GRM7: variants seen among roughly 807,000 people sequenced by gnomAD.
The protein encoded by GRM7 is glutamate metabotropic receptor 7.
In GRM7, 35 loss-of-function variants were observed where a neutral mutation model predicts 84.5. That is an observed-to-expected ratio of 0.41 (90% CI 0.32 to 0.55). The LOEUF (loss-of-function observed/expected upper bound fraction) is 0.55. Among genes scored for constraint, GRM7 ranks in the 20% least tolerant of loss-of-function variants. The pLI is 0.19. For synonymous variants in GRM7, 487 were observed against 455.1 expected (o/e 1.07, Z -0.89); for missense variants, 1,003 against 1,194.6 (o/e 0.84, Z 2.36).
chr3:7,593,853 G>A (rs1695911603), intron 8 of GRM7, among the ~76,000 whole-genome samples: 1 of 152,060 alleles, frequency 6.6e-6, no homozygotes, highest in Admixed American at 6.6e-5. Context: ...AGAAGCAAGA[G>A]TAGGGTCAGG....
At chr3:7,026,431 A>C (rs574602972) in intron 1 of GRM7, among the ~76,000 whole-genome samples, 10 of 152,366 alleles carry the variant, frequency 6.6e-5, no homozygotes, top group Admixed American at 2.0e-4. Flanking sequence ...ACTCTTGATT[A>C]TAAATGCTGC....
chr3:7,340,636 A>G (rs1345910310), intron 4 of GRM7, among the ~76,000 whole-genome samples: 1 of 152,144 alleles, frequency 6.6e-6, no homozygotes. Context: ...CGTGATATCC[A>G]GTCTTCGTTA....
intron 7 of GRM7, among the ~76,000 whole-genome samples, chr3:7,480,027 G>A (rs1014370326): frequency 6.6e-6 from 1 of 152,130 alleles, no homozygotes; most frequent in African/African-American, 2.4e-5. Flanking sequence ...GCACTTGTCA[G>A]ACAAAGATGC....
intron 4 of GRM7, among the ~76,000 whole-genome samples, chr3:7,313,022 G>C (rs756925559): frequency 6.7e-6 from 1 of 149,534 alleles, no homozygotes; most frequent in Non-Finnish European, 1.5e-5. Flanking sequence ...TCCATCTCCC[G>C]GGTTCAAACA....
At chr3:7,722,774 G>T (rs1277817777) in intron 9 of GRM7, among the ~76,000 whole-genome samples, 7 of 151,970 alleles carry the variant, frequency 4.6e-5, no homozygotes, top group Admixed American at 4.6e-4. Flanking sequence ...TGTTTTTCAT[G>T]CTGGTGGCTA....
chr3:7,463,340 A>C (rs1287794332), intron 7 of GRM7, among the ~76,000 whole-genome samples: 1 of 152,228 alleles, frequency 6.6e-6, no homozygotes, highest in African/African-American at 2.4e-5. Flanking sequence ...CTATTTTAAG[A>C]ACAAACATTA....
At chr3:7,091,745 G>A (rs1229946291) in intron 1 of GRM7, among the ~76,000 whole-genome samples, 1 of 77,722 alleles carries the variant, frequency 1.3e-5, no homozygotes, top group Non-Finnish European at 2.5e-5. Context: ...AGGAATGAGC[G>A]TTTTTGACAG....
At chr3:6,921,177 A>G (rs1697110808) in intron 1 of GRM7, among the ~76,000 whole-genome samples, 1 of 152,226 alleles carries the variant, frequency 6.6e-6, no homozygotes, top group Non-Finnish European at 1.5e-5. Flanking sequence ...CAGCAGGAAC[A>G]AAAGCTGCCG....
chr3:7,557,436 A>G (rs1386006215), intron 7 of GRM7, among the ~76,000 whole-genome samples: 1 of 152,178 alleles, frequency 6.6e-6, no homozygotes, highest in Non-Finnish European at 1.5e-5. Context: ...GTTAATTTCA[A>G]ATTAGAAAGT....
At position 7,021,327 on chromosome 3, in the gene GRM7, C is replaced by T. The variant is rs184764312; in HGVS notation, c.520-125125C>T. ...GAATTGATTCTATACCCTCCCCTCA[C>T]CCTGCCCTGGGGTGAGAAAAGATGT... On this transcript the variant is annotated intron_variant, in intron 1 of 9. Coordinates refer to ENST00000357716, the MANE Select transcript of GRM7 (RefSeq NM_000844.4). 1.0e-3 allele frequency among the ~76,000 whole-genome samples: 154 copies of T among 152,258 alleles called. 1 individual carries two copies. The highest frequency in any genetic ancestry group is 3.6e-3 in the African/African-American group (151 of 41,554).
intron 8 of GRM7, among the ~76,000 whole-genome samples, chr3:7,657,022 T>C (rs953057114): frequency 6.6e-6 from 1 of 152,204 alleles, no homozygotes; most frequent in Non-Finnish European, 1.5e-5. Flanking sequence ...ACAGTGTTTT[T>C]CTACACACTC....
At chr3:6,946,861 A>G (rs1458747564) in intron 1 of GRM7, among the ~76,000 whole-genome samples, 2 of 152,038 alleles carry the variant, frequency 1.3e-5, no homozygotes, top group Admixed American at 6.6e-5. Context: ...TTTGTCTGTT[A>G]TTGCTGTATA....
intron 8 of GRM7, chr3:7,591,620 G>A: frequency 2.9e-6 from 1 of 347,558 alleles, no homozygotes; most frequent in South Asian, 2.3e-5. Context: ...AAAGGGAGGT[G>A]ACAGTGCATT....
chr3:7,114,536 C>A (rs762215711), intron 1 of GRM7, among the ~76,000 whole-genome samples: 34 of 152,102 alleles, frequency 2.2e-4, no homozygotes, highest in Non-Finnish European at 4.0e-4. Context: ...CTGGAAAATG[C>A]AGTCTCCTCT....
chr3:7,220,831 G>C (rs1696776876), intron 2 of GRM7, among the ~76,000 whole-genome samples: 1 of 152,120 alleles, frequency 6.6e-6, no homozygotes, highest in Admixed American at 6.5e-5. Context: ...TGGTACGGTG[G>C]CTCACACTTG....
chr3:7,438,276 G>A (rs1481541433), intron 5 of GRM7, among the ~76,000 whole-genome samples: 2 of 152,058 alleles, frequency 1.3e-5, no homozygotes, highest in Admixed American at 6.6e-5. Flanking sequence ...GAGAAGGGCA[G>A]TGGTTGTGGA....
At chr3:7,665,338 A>G (rs537901170) in intron 8 of GRM7, among the ~76,000 whole-genome samples, 1 of 148,106 alleles carries the variant, frequency 6.8e-6, no homozygotes, top group Non-Finnish European at 1.5e-5. Context: ...CACCCGGCTA[A>G]TTTTTTTTTT....
intron 5 of GRM7, among the ~76,000 whole-genome samples, chr3:7,425,163 T>C (rs939870325): frequency 3.9e-5 from 6 of 152,192 alleles, no homozygotes; most frequent in Non-Finnish European, 7.3e-5. Context: ...TAAGGGCTCG[T>C]AGTAGAACAT....
intron 2 of GRM7, among the ~76,000 whole-genome samples, chr3:7,267,974 A>G (rs1370759703): frequency 6.6e-6 from 1 of 152,102 alleles, no homozygotes; most frequent in Non-Finnish European, 1.5e-5. Context: ...TAGTGCCGTT[A>G]GAAAGAAACG....
Sources: allele counts gnomAD v4.1 joint callset (sites outside exome capture counted in the v4.1 genomes callset), GRCh38; gene constraint gnomAD v4.1.1; transcripts MANE v1.5; gene names NCBI Gene and HGNC (gene_info 2026-07-23, HGNC 2026-07-21).